The following LRRC4C variants were observed in gnomAD, a reference collection of about 807,000 sequenced individuals.
LRRC4C encodes the protein leucine rich repeat containing 4C.
In LRRC4C, 5 loss-of-function variants were observed where a neutral mutation model predicts 33.6. That is an observed-to-expected ratio of 0.15 (90% CI 0.08 to 0.31). LRRC4C has a LOEUF of 0.31. LRRC4C is among the 10% of genes least tolerant of loss of function. The pLI is 1.00. For synonymous variants in LRRC4C, 329 were observed against 302.0 expected (o/e 1.09, Z -0.93); for missense variants, 560 against 796.7 (o/e 0.70, Z 3.58).
intron 4 of LRRC4C, among the ~76,000 whole-genome samples, chr11:40,308,398 C>T (rs945962045): frequency 1.3e-5 from 2 of 152,162 alleles, no homozygotes; most frequent in Admixed American, 1.3e-4. Flanking sequence ...TTGAATAATG[C>T]CTCCCCTCAA....
intron 1 of LRRC4C, among the ~76,000 whole-genome samples, chr11:40,970,478 A>G (rs574651677): frequency 2.5e-4 from 38 of 152,312 alleles, no homozygotes; most frequent in African/African-American, 8.7e-4. Flanking sequence ...CTGAAGAACC[A>G]TGAGCCAATC....
intron 1 of LRRC4C, among the ~76,000 whole-genome samples, chr11:41,391,648 T>C (rs1252412226): frequency 4.6e-5 from 7 of 151,908 alleles, no homozygotes. Context: ...TAAGTATTTA[T>C]TGATGACCCC....
At chr11:40,957,035 C>T (rs909647359) in intron 1 of LRRC4C, among the ~76,000 whole-genome samples, 1 of 151,744 alleles carries the variant, frequency 6.6e-6, no homozygotes, top group African/African-American at 2.4e-5. Context: ...TCCAGAATGA[C>T]TTTGTCCCAG....
intron 1 of LRRC4C, among the ~76,000 whole-genome samples, chr11:41,394,364 T>A (rs958917348): frequency 2.0e-5 from 3 of 151,912 alleles, no homozygotes; most frequent in Non-Finnish European, 4.4e-5. Flanking sequence ...ATTTGCAAAT[T>A]TGAAAGGAAT....
At chr11:40,230,748 C>T (rs2136003813) in intron 5 of LRRC4C, among the ~76,000 whole-genome samples, 1 of 152,236 alleles carries the variant, frequency 6.6e-6, no homozygotes, top group South Asian at 2.1e-4. Flanking sequence ...TCATCAGCAG[C>T]ATGTAGGTGG....
At chr11:40,193,229 C>G (rs748637595) in intron 5 of LRRC4C, among the ~76,000 whole-genome samples, 11 of 152,052 alleles carry the variant, frequency 7.2e-5, no homozygotes, top group Non-Finnish European at 1.3e-4. Context: ...GGTGGGTGCC[C>G]CTCTGGGAGG....
chr11:41,312,467 T>C (rs1230694082), intron 1 of LRRC4C, among the ~76,000 whole-genome samples: 1 of 152,222 alleles, frequency 6.6e-6, no homozygotes, highest in Non-Finnish European at 1.5e-5. Context: ...TAGTTCACTG[T>C]GTGATCTTAA....
chr11:41,050,619 A>G (rs904062659), intron 1 of LRRC4C, among the ~76,000 whole-genome samples: 1 of 152,164 alleles, frequency 6.6e-6, no homozygotes, highest in Non-Finnish European at 1.5e-5. Flanking sequence ...TAAGGATATC[A>G]ACTCACTCTT....
At position 41,410,565 on chromosome 11, in the gene LRRC4C, C is replaced by T. The variant is rs1435761816; in HGVS notation, c.-496+48866G>A. ...ACGCCATTCTCCTGCCTCAGCCTCC[C>T]GAGTAGCTGGGACTACAGGCGCCCG... On this transcript the variant is annotated intron_variant, in intron 1 of 6. Coordinates refer to ENST00000528697, the MANE Select transcript of LRRC4C (RefSeq NM_001258419.2). Among the ~76,000 whole-genome samples, 3 of 151,912 alleles carry T rather than the reference C, an allele frequency of 2.0e-5. No individual in the cohort carries two copies. In the East Asian group the frequency reaches 5.9e-4, roughly 30 times the overall value.
chr11:40,292,691 A>C (rs2136587968), intron 4 of LRRC4C: 1 of 148,728 alleles, frequency 6.7e-6, no homozygotes, highest in South Asian at 2.1e-4. Context: ...AAGATTATTT[A>C]TTTATGTCAG....
chr11:41,087,224 C>G (rs1011595985), intron 1 of LRRC4C, among the ~76,000 whole-genome samples: 1 of 152,088 alleles, frequency 6.6e-6, no homozygotes, highest in African/African-American at 2.4e-5. Context: ...CCCATTCCTA[C>G]TGCCAATACC....
At chr11:40,954,274 A>G (rs894897133) in intron 1 of LRRC4C, among the ~76,000 whole-genome samples, 1 of 151,960 alleles carries the variant, frequency 6.6e-6, no homozygotes. Context: ...ATCTTGGAAT[A>G]AATAAATCTA....
At chr11:40,841,372 C>T (rs1223647320) in intron 2 of LRRC4C, among the ~76,000 whole-genome samples, 1 of 152,150 alleles carries the variant, frequency 6.6e-6, no homozygotes, top group Non-Finnish European at 1.5e-5. Context: ...TCTCCCCATA[C>T]CAATTCATAT....
At chr11:40,127,103 C>A (rs537255742) in intron 6 of LRRC4C, among the ~76,000 whole-genome samples, 1 of 151,744 alleles carries the variant, frequency 6.6e-6, no homozygotes, top group African/African-American at 2.4e-5. Flanking sequence ...ATGGTGAAAC[C>A]CCGTCTCTAC....
chr11:40,923,558 T>C (rs983074862), intron 2 of LRRC4C, among the ~76,000 whole-genome samples: 94 of 152,158 alleles, frequency 6.2e-4, no homozygotes, highest in African/African-American at 2.3e-3. Context: ...GAAACCTCCC[T>C]CAGCCTGGAG....
chr11:40,444,100 T>C (rs1590754325), intron 3 of LRRC4C, among the ~76,000 whole-genome samples: 1 of 152,162 alleles, frequency 6.6e-6, no homozygotes, highest in South Asian at 2.1e-4. Flanking sequence ...ATTTATTGAG[T>C]GTGCCGTGCA....
At chr11:40,604,029 G>A (rs964341235) in intron 3 of LRRC4C, among the ~76,000 whole-genome samples, 4 of 152,126 alleles carry the variant, frequency 2.6e-5, no homozygotes, top group African/African-American at 4.8e-5. Context: ...ATATACCCAC[G>A]TATATTTGTA....
chr11:41,451,305 T>C (rs536251794), intron 1 of LRRC4C, among the ~76,000 whole-genome samples: 4 of 152,230 alleles, frequency 2.6e-5, no homozygotes, highest in African/African-American at 7.2e-5. Context: ...GGAATAGGAA[T>C]AGGGTTATTT....
At chr11:40,596,098 A>G (rs1296807376) in intron 3 of LRRC4C, among the ~76,000 whole-genome samples, 2 of 152,174 alleles carry the variant, frequency 1.3e-5, no homozygotes, top group Non-Finnish European at 2.9e-5. Context: ...GAAAAAGGCA[A>G]GTCTCAGAAT....
Sources: allele counts gnomAD v4.1 joint callset (sites outside exome capture counted in the v4.1 genomes callset), GRCh38; gene constraint gnomAD v4.1.1; transcripts MANE v1.5; gene names NCBI Gene and HGNC (gene_info 2026-07-23, HGNC 2026-07-21).